The following ENOX1 variants were observed in gnomAD, a reference collection of about 807,000 sequenced individuals.
The protein encoded by ENOX1 is ecto-NOX disulfide-thiol exchanger 1, also known as candidate growth-related and time keeping constitutive hydroquinone (NADH) oxidase.
A neutral mutation model predicts 82.5 loss-of-function variants in ENOX1; 42 were observed. That is an observed-to-expected ratio of 0.51 (90% CI 0.40 to 0.66). The LOEUF is 0.66. Among genes scored for constraint, ENOX1 ranks in the 30% least tolerant of loss-of-function variants. The probability of loss-of-function intolerance (pLI) is 0.00; values close to 1 mark genes in which losing one functional copy is unlikely to be tolerated. For missense variants in ENOX1, 608 were observed against 811.6 expected, an observed-to-expected ratio of 0.75 and a Z score of 3.05; for synonymous variants, 271 against 282.2, an observed-to-expected ratio of 0.96 and a Z score of 0.40.
intron 2 of ENOX1, among the ~76,000 whole-genome samples, chr13:43,665,169 TAGG>T (rs528586056): frequency 1.2e-3 from 180 of 152,228 alleles, no homozygotes; most frequent in African/African-American, 4.3e-3. Flanking sequence ...ACCTCACTCC[TAGG>T]AGGAGATCTG....
At chr13:43,392,311 C>G (rs1227030955) in intron 5 of ENOX1, among the ~76,000 whole-genome samples, 1 of 152,160 alleles carries the variant, frequency 6.6e-6, no homozygotes, top group Non-Finnish European at 1.5e-5. Flanking sequence ...GCAGGAATAA[C>G]TTTAGGTATT....
intron 1 of ENOX1, among the ~76,000 whole-genome samples, chr13:43,698,631 G>A (rs2086760129): frequency 6.6e-6 from 1 of 151,794 alleles, no homozygotes; most frequent in Non-Finnish European, 1.5e-5. Context: ...ATATTTTATT[G>A]AGGCAAGAAG....
chr13:43,283,599 C>T (rs1322240103), intron 12 of ENOX1, among the ~76,000 whole-genome samples: 1 of 151,702 alleles, frequency 6.6e-6, no homozygotes, highest in Non-Finnish European at 1.5e-5. Flanking sequence ...GCACGTGCTA[C>T]TATGCCTAGC....
intron 3 of ENOX1, among the ~76,000 whole-genome samples, chr13:43,472,096 T>G (rs1028225047): frequency 1.4e-4 from 21 of 152,138 alleles, no homozygotes; most frequent in Admixed American, 8.5e-4. Flanking sequence ...ATAAATAGTC[T>G]AAGCATAATT....
chr13:43,538,129 C>T (rs2078546317), intron 2 of ENOX1, among the ~76,000 whole-genome samples: 1 of 152,230 alleles, frequency 6.6e-6, no homozygotes, highest in African/African-American at 2.4e-5. Context: ...GAGCCTAGCC[C>T]TCCTGCCAGG....
At chr13:43,298,791 C>G (rs1158579643) in intron 11 of ENOX1, among the ~76,000 whole-genome samples, 3 of 152,128 alleles carry the variant, frequency 2.0e-5, no homozygotes, top group Non-Finnish European at 4.4e-5. Context: ...AATTCTCATC[C>G]CTTGACCTCT....
At chr13:43,320,530 C>A (rs946642963) in intron 11 of ENOX1, among the ~76,000 whole-genome samples, 1 of 152,154 alleles carries the variant, frequency 6.6e-6, no homozygotes, top group East Asian at 1.9e-4. Flanking sequence ...TAAGCATGTA[C>A]GTGCCGCAAG....
chr13:43,309,624 T>A (rs949272413), intron 11 of ENOX1, among the ~76,000 whole-genome samples: 3 of 152,196 alleles, frequency 2.0e-5, no homozygotes, highest in Non-Finnish European at 4.4e-5. Flanking sequence ...TCCCCAGAGT[T>A]CGAGTGCCAC....
At chr13:43,238,995 G>A (rs1037546600) in intron 14 of ENOX1, among the ~76,000 whole-genome samples, 1 of 152,088 alleles carries the variant, frequency 6.6e-6, no homozygotes, top group Non-Finnish European at 1.5e-5. Flanking sequence ...GTCCAAAAGT[G>A]GAGTCACATA....
intron 2 of ENOX1, among the ~76,000 whole-genome samples, chr13:43,579,189 TG>T (rs2080587641): frequency 6.6e-6 from 1 of 152,128 alleles, no homozygotes; most frequent in Non-Finnish European, 1.5e-5. Flanking sequence ...AATTCCATAA[TG>T]GGTTGAAGTA....
At chr13:43,740,902 G>A (rs576772822) in intron 1 of ENOX1, among the ~76,000 whole-genome samples, 2 of 152,196 alleles carry the variant, frequency 1.3e-5, no homozygotes, top group African/African-American at 4.8e-5. Context: ...GGACATTGGC[G>A]TTGTTCCCTC....
At position 43,213,851 on chromosome 13, in the gene ENOX1, A is replaced by G. The variant is rs552100517; in HGVS notation, c.*139T>C. 774 of 854,466 alleles carry G rather than the reference A, an allele frequency of 9.1e-4. 3 individuals are homozygous for G. The highest frequency in any genetic ancestry group is 1.2e-3 in the Non-Finnish European group (673 of 575,770). The allele number at this position is 854,466 out of a possible 1,614,324, so 52.9% of individuals were successfully genotyped here. On this transcript the variant is annotated 3_prime_UTR_variant, in exon 17 of 17. Transcript: ENST00000690772. ...ACATTTCCACTTACAAGAGAACGCC[A>G]CAGATATAACTAAAGGCAGGCTTCG... is the stretch of plus-strand genomic sequence containing the variant.
intron 2 of ENOX1, among the ~76,000 whole-genome samples, chr13:43,485,947 A>G (rs978664647): frequency 6.6e-6 from 1 of 152,202 alleles, no homozygotes; most frequent in African/African-American, 2.4e-5. Flanking sequence ...GCGGTGGCTC[A>G]TGCCTGTAAT....
At chr13:43,282,444 T>G (rs1435236377) in intron 12 of ENOX1, among the ~76,000 whole-genome samples, 6 of 146,766 alleles carry the variant, frequency 4.1e-5, no homozygotes, top group African/African-American at 1.5e-4. Context: ...AGATTGGTAT[T>G]CTTTTTTCTT....
intron 3 of ENOX1, among the ~76,000 whole-genome samples, chr13:43,482,927 C>A (rs191345930): frequency 6.6e-6 from 1 of 152,030 alleles, no homozygotes; most frequent in Non-Finnish European, 1.5e-5. Context: ...TAGTAAATAC[C>A]CCCTGCCTCA....
chr13:43,779,735 T>C (rs1952141620), intron 1 of ENOX1, among the ~76,000 whole-genome samples: 1 of 152,202 alleles, frequency 6.6e-6, no homozygotes. Flanking sequence ...AGGTCCTCCA[T>C]GGTCTGTGTC....
chr13:43,292,438 A>G (rs1190591891), intron 12 of ENOX1, among the ~76,000 whole-genome samples: 4 of 152,152 alleles, frequency 2.6e-5, no homozygotes, highest in Non-Finnish European at 1.5e-5. Flanking sequence ...TAAAAACAGA[A>G]GACAAAAGTG....
At chr13:43,414,361 T>C (rs1264581024) in intron 3 of ENOX1, among the ~76,000 whole-genome samples, 1 of 152,186 alleles carries the variant, frequency 6.6e-6, no homozygotes, top group Non-Finnish European at 1.5e-5. Context: ...CATCCAACAG[T>C]GAATGATTCT....
intron 1 of ENOX1, among the ~76,000 whole-genome samples, chr13:43,766,140 A>G (rs1027502143): frequency 1.3e-5 from 2 of 152,196 alleles, no homozygotes; most frequent in African/African-American, 4.8e-5. Flanking sequence ...TGGACACTGC[A>G]TATTCCACTC....
Sources: allele counts gnomAD v4.1 joint callset (sites outside exome capture counted in the v4.1 genomes callset), GRCh38; gene constraint gnomAD v4.1.1; transcripts MANE v1.5; gene names NCBI Gene and HGNC (gene_info 2026-07-23, HGNC 2026-07-21).